Variants in GNAL observed in about 807,000 individuals in gnomAD.
GNAL encodes guanine nucleotide-binding protein G(olf) subunit alpha.
A neutral mutation model predicts 55.1 loss-of-function variants in GNAL; 18 were observed. The ratio of observed to expected loss-of-function variants is 0.33; its 90% CI spans 0.23 to 0.48. The LOEUF is 0.48. GNAL is among the 20% of genes least tolerant of loss of function. The pLI is 0.99. For missense variants in GNAL, 412 were observed against 614.1 expected (o/e 0.67, Z 3.48); for synonymous variants, 253 against 237.0 (o/e 1.07, Z -0.62).
In GNAL at chr18:11,885,057, T is replaced by A. The variant is rs753876230; in HGVS notation, c.*3922T>A. On this transcript the variant is annotated 3_prime_UTR_variant, in exon 12 of 12. Transcript: ENST00000334049. ...AGCATCTGTTCCCTAGAAATACATG[T>A]GTCCAGGTCGTCTCCATGGGCTTTT... 2 of 1,291,048 alleles carry A rather than the reference T, an allele frequency of 1.5e-6. No individual in the cohort carries two copies. The allele number at this position is 1,291,048 out of a possible 1,614,324, so 80.0% of individuals were successfully genotyped here. A position where few individuals can be genotyped will look rare whatever the true frequency, so the allele number is the denominator to read the frequency against.
chr18:11,855,399 T>C (rs764720437), intron 5 of GNAL, among the ~76,000 whole-genome samples: 5 of 152,254 alleles, frequency 3.3e-5, no homozygotes, highest in Non-Finnish European at 5.9e-5. Context: ...CTACTAGTTA[T>C]ATTTCTTCCT....
At chr18:11,740,754 A>T (rs2143476613) in intron 1 of GNAL, among the ~76,000 whole-genome samples, 1 of 152,342 alleles carries the variant, frequency 6.6e-6, no homozygotes, top group South Asian at 2.1e-4. Context: ...GCAATGAGGG[A>T]ATCCCTTTTG....
chr18:11,875,214 A>AGGGAGGCCAGGGCCCAGCTCCTGTGCC (rs1308539900), intron 10 of GNAL, among the ~76,000 whole-genome samples: 1 of 152,148 alleles, frequency 6.6e-6, no homozygotes, highest in African/African-American at 2.4e-5. Context: ...TGCTGCCCCC[A>AGGGAGGCCAGGGCCCAGCTCCTGTGCC]GGGAGGCCAG....
intron 4 of GNAL, among the ~76,000 whole-genome samples, chr18:11,809,984 G>A (rs2034767333): frequency 6.6e-6 from 1 of 152,210 alleles, no homozygotes; most frequent in Non-Finnish European, 1.5e-5. Context: ...GTATGTATGT[G>A]GAAATTGTAA....
In GNAL at chr18:11,882,256, T is replaced by G. The variant is rs2036713691; in HGVS notation, c.*1121T>G. 1 of 152,148 alleles carries G rather than the reference T, an allele frequency of 6.6e-6. No homozygotes were observed. Among genetic ancestry groups the G allele is most frequent in the South Asian group, 2.1e-4 (1 of 4,832 alleles). The allele number at this position is 152,148 out of a possible 1,614,324, so 9.4% of individuals were successfully genotyped here. ...AGGGAACCAGGGATTTTTTTCTCTCTCTCTAGACAATATGTTTCCTCATTA... is the reference window on the plus strand; with the variant it reads ...AGGGAACCAGGGATTTTTTTCTCTCGCTCTAGACAATATGTTTCCTCATTA... On this transcript the variant is annotated 3_prime_UTR_variant, in exon 12 of 12. Transcript: ENST00000334049.
chr18:11,701,750 A>C (rs1039615625), intron 1 of GNAL, among the ~76,000 whole-genome samples: 1 of 152,056 alleles, frequency 6.6e-6, no homozygotes, highest in Non-Finnish European at 1.5e-5. Context: ...GTGTTTACCT[A>C]ATAGAACTGA....
intron 1 of GNAL, among the ~76,000 whole-genome samples, chr18:11,718,433 C>G (rs1459680318): frequency 6.6e-6 from 1 of 152,106 alleles, no homozygotes; most frequent in African/African-American, 2.4e-5. Flanking sequence ...ATTTTACATT[C>G]TGTCTTTGTT....
intron 1 of GNAL, among the ~76,000 whole-genome samples, chr18:11,748,442 C>T (rs2032739332): frequency 6.6e-6 from 1 of 152,208 alleles, no homozygotes; most frequent in Non-Finnish European, 1.5e-5. Context: ...TGCCAGCAAT[C>T]ACTCCATAAC....
At chr18:11,871,559 A>G (rs2036399533) in intron 9 of GNAL, among the ~76,000 whole-genome samples, 1 of 152,276 alleles carries the variant, frequency 6.6e-6, no homozygotes, top group East Asian at 1.9e-4. Flanking sequence ...AAATTGTGTT[A>G]TTAATTGATA....
chr18:11,744,327 A>G (rs1356831439), intron 1 of GNAL, among the ~76,000 whole-genome samples: 2 of 152,218 alleles, frequency 1.3e-5, no homozygotes, highest in African/African-American at 4.8e-5. Flanking sequence ...ATACATTCTA[A>G]AATATTTGAT....
chr18:11,705,125 C>G (rs1329870265), intron 1 of GNAL, among the ~76,000 whole-genome samples: 1 of 152,214 alleles, frequency 6.6e-6, no homozygotes, highest in Non-Finnish European at 1.5e-5. Context: ...TCCCTCTCCC[C>G]CAAACCCTAG....
Position 11,752,788 on chromosome 18 carries a change from CT to C in GNAL, c.377-64del. On this transcript the variant is annotated intron_variant, in intron 1 of 11. Transcript: ENST00000334049. The surrounding 1 kb of genome is among the most constrained non-coding windows in gnomAD (Gnocchi z 4.5). ...GGGGAGGAGGATTGCTCAGACCCGG[CT>C]AGTGGTGAGAGATGGCAGCGATATC... The C allele has an allele frequency of 8.0e-7, 1 of 1,242,390 alleles. No homozygotes were observed. Among genetic ancestry groups the C allele is most frequent in the Middle Eastern group, 2.3e-4 (1 of 4,350 alleles). The allele number at this position is 1,242,390 out of a possible 1,614,324, so 77.0% of individuals were successfully genotyped here.
intron 1 of GNAL, among the ~76,000 whole-genome samples, chr18:11,710,009 G>T (rs2031799254): frequency 6.6e-6 from 1 of 152,202 alleles, no homozygotes; most frequent in African/African-American, 2.4e-5. Flanking sequence ...GTTTAATCAT[G>T]AAATGGTGTT....
intron 4 of GNAL, among the ~76,000 whole-genome samples, chr18:11,776,159 C>A (rs2033777598): frequency 6.6e-6 from 1 of 152,212 alleles, no homozygotes; most frequent in Admixed American, 6.5e-5. Flanking sequence ...TCTGACTCTG[C>A]TGGCTTCTAT....
chr18:11,879,908 G>A (rs1007894073), intron 11 of GNAL, among the ~76,000 whole-genome samples: 9 of 152,240 alleles, frequency 5.9e-5, no homozygotes, highest in Non-Finnish European at 1.0e-4. Context: ...TGTGGAGGCC[G>A]CCACCGGGCC....
intron 4 of GNAL, among the ~76,000 whole-genome samples, chr18:11,797,209 G>T (rs987901443): frequency 1.3e-5 from 2 of 152,184 alleles, no homozygotes; most frequent in African/African-American, 4.8e-5. Flanking sequence ...TGGGATTACA[G>T]GCGTGAGCCA....
chr18:11,748,271 T>C (rs1355188661), intron 1 of GNAL, among the ~76,000 whole-genome samples: 3 of 152,196 alleles, frequency 2.0e-5, no homozygotes, highest in South Asian at 4.1e-4. Flanking sequence ...TGGCACACAA[T>C]GCAGGTAATA....
intron 6 of GNAL, among the ~76,000 whole-genome samples, chr18:11,864,248 G>A (rs890722718): frequency 2.0e-5 from 3 of 151,958 alleles, no homozygotes; most frequent in Non-Finnish European, 4.4e-5. Context: ...GACCACACCT[G>A]GCTAATTTGG....
At chr18:11,763,855 CTTTT>C (rs2033321598) in intron 4 of GNAL, among the ~76,000 whole-genome samples, 1 of 152,116 alleles carries the variant, frequency 6.6e-6, no homozygotes, top group South Asian at 2.1e-4. Context: ...CTCAGCCGAC[CTTTT>C]TTGTCATGAC....
Sources: gnomAD v4.1 joint callset for allele counts (sites outside exome capture counted in the v4.1 genomes callset) on GRCh38, gnomAD v4.1.1 for gene constraint, Gnocchi (gnomAD v3.1) non-coding constraint, MANE v1.5 for transcripts, NCBI Gene and HGNC (gene_info 2026-07-23, HGNC 2026-07-21) for gene names.